RGL1: variants seen among roughly 807,000 people sequenced by gnomAD.
RGL1 encodes ral guanine nucleotide dissociation stimulator like 1, also known as ral guanine nucleotide dissociation stimulator-like 1.
Under a neutral mutation model 95.2 loss-of-function variants are expected in RGL1, and 24 were observed. That is an observed-to-expected ratio of 0.25 (90% CI 0.18 to 0.35). The LOEUF (loss-of-function observed/expected upper bound fraction) is 0.35. RGL1 is among the 10% of genes least tolerant of loss of function. The pLI, the probability that RGL1 is intolerant of heterozygous loss-of-function variation, is 1.00. For missense variants in RGL1, 715 were observed against 936.3 expected, an observed-to-expected ratio of 0.76 and a Z score of 3.08; for synonymous variants, 329 against 344.9, an observed-to-expected ratio of 0.95 and a Z score of 0.51.
rs141297570 is a variant in RGL1, at chr1:183,895,393, C to T, written c.1141-2415C>T. On this transcript the variant is annotated intron_variant, in intron 9 of 17. Coordinates refer to ENST00000360851, the MANE Select transcript of RGL1 (RefSeq NM_001297671.3). ...TAAGCAAGCCATTTGCACTAAGAGA[C>T]GGAGAGGGAAGAGAAGGGCAGAGGG... is the stretch of plus-strand genomic sequence containing the variant. Among the ~76,000 whole-genome samples the T allele has an allele frequency of 3.7e-3, 554 of 151,262 alleles. 2 individuals are homozygous for T. Among genetic ancestry groups the T allele is most frequent in the Middle Eastern group, 6.8e-3 (2 of 292 alleles).
At chr1:183,847,821 T>G (rs1237421979) in intron 3 of RGL1, 47 bp downstream of exon 3, 2 of 1,470,284 alleles carry the variant, frequency 1.4e-6, no homozygotes, top group African/African-American at 1.4e-5. Context: ...GTAGGCTGAT[T>G]ATGGAGTGGA....
At chr1:183,679,763 TG>T (rs1653083368) in intron 1 of RGL1, among the ~76,000 whole-genome samples, 1 of 152,238 alleles carries the variant, frequency 6.6e-6, no homozygotes, top group Admixed American at 6.5e-5. Context: ...ATGGTATTTC[TG>T]GTTCTAGAGC....
chr1:183,828,799 A>C (rs1315497032), intron 2 of RGL1, among the ~76,000 whole-genome samples: 1 of 152,244 alleles, frequency 6.6e-6, no homozygotes, highest in African/African-American at 2.4e-5. Flanking sequence ...GATCTGCTCC[A>C]GTCAGGAACA....
intron 1 of RGL1, among the ~76,000 whole-genome samples, chr1:183,704,259 C>T (rs549423647): frequency 6.6e-6 from 1 of 152,242 alleles, no homozygotes; most frequent in East Asian, 1.9e-4. Flanking sequence ...GATGAGAGAG[C>T]CATGTATGAC....
At chr1:183,732,754 G>A (rs962557611) in intron 1 of RGL1, among the ~76,000 whole-genome samples, 2 of 152,102 alleles carry the variant, frequency 1.3e-5, no homozygotes, top group Non-Finnish European at 2.9e-5. Flanking sequence ...GTTTTGCTAC[G>A]AATATTTGCA....
At chr1:183,652,622 C>T in intron 1 of RGL1, among the ~76,000 whole-genome samples, 1 of 152,136 alleles carries the variant, frequency 6.6e-6, no homozygotes, top group Non-Finnish European at 1.5e-5. Context: ...GGAAATGTAC[C>T]CTGTTTAGGC....
At chr1:183,694,550 G>T (rs1231579697) in intron 1 of RGL1, among the ~76,000 whole-genome samples, 1 of 152,120 alleles carries the variant, frequency 6.6e-6, no homozygotes, top group South Asian at 2.1e-4. Context: ...TCAACATAAA[G>T]CATTTGTCTT....
chr1:183,895,817 T>A (rs1474056929), intron 9 of RGL1, among the ~76,000 whole-genome samples: 1 of 152,186 alleles, frequency 6.6e-6, no homozygotes, highest in East Asian at 1.9e-4. Context: ...TTTTTAGATC[T>A]CTAGCAGGGA....
chr1:183,806,763 A>G (rs1661372730), intron 2 of RGL1, among the ~76,000 whole-genome samples: 1 of 151,526 alleles, frequency 6.6e-6, no homozygotes, highest in Admixed American at 6.6e-5. Context: ...GCAGAAAATG[A>G]CACACAGAAT....
At chr1:183,690,408 C>A (rs1218882791) in intron 1 of RGL1, among the ~76,000 whole-genome samples, 1 of 152,030 alleles carries the variant, frequency 6.6e-6, no homozygotes, top group Admixed American at 6.6e-5. Context: ...TTTATCTTTT[C>A]ATGAAGTCTT....
intron 2 of RGL1, among the ~76,000 whole-genome samples, chr1:183,768,752 A>G (rs1048667746): frequency 1.3e-5 from 2 of 152,160 alleles, no homozygotes; most frequent in African/African-American, 4.8e-5. Context: ...GATTATAGGC[A>G]TGAGCCAGCC....
intron 4 of RGL1, among the ~76,000 whole-genome samples, chr1:183,878,834 T>G (rs930751553): frequency 2.0e-5 from 3 of 152,220 alleles, no homozygotes; most frequent in African/African-American, 7.2e-5. Context: ...GTATATGATA[T>G]GAATTATCAC....
rs113268351 is a variant in RGL1, at chr1:183,689,842, G to A, written c.-32-52284G>A. 4.0e-3 allele frequency among the ~76,000 whole-genome samples: 605 copies of A among 152,290 alleles called. 5 individuals are homozygous for A. Among genetic ancestry groups the A allele is most frequent in the African/African-American group, 0.014 (573 of 41,568 alleles). ...TTATGCAATAAAAAACATTCATTCA[G>A]CTTCTGGCACTGTGCCAGGTGCTGT... is the stretch of plus-strand genomic sequence containing the variant. On this transcript the variant is annotated intron_variant, in intron 1 of 18. Transcript: ENST00000304685.
intron 1 of RGL1, among the ~76,000 whole-genome samples, chr1:183,714,465 T>C (rs950682458): frequency 6.6e-6 from 1 of 152,160 alleles, no homozygotes; most frequent in Non-Finnish European, 1.5e-5. Flanking sequence ...GAAATGAGAC[T>C]CACACACCAG....
intron 7 of RGL1, among the ~76,000 whole-genome samples, chr1:183,887,403 A>G (rs999572526): frequency 2.0e-5 from 3 of 151,896 alleles, no homozygotes; most frequent in African/African-American, 4.8e-5. Context: ...TTCAGGATTA[A>G]CATTTCTTTG....
intron 4 of RGL1, among the ~76,000 whole-genome samples, chr1:183,875,899 A>C (rs1666468619): frequency 6.8e-6 from 1 of 147,308 alleles, no homozygotes; most frequent in African/African-American, 2.5e-5. Flanking sequence ...AAAATCAATG[A>C]GTATAGCAGA....
At chr1:183,761,782 A>G (rs191008177) in intron 2 of RGL1, among the ~76,000 whole-genome samples, 5 of 152,366 alleles carry the variant, frequency 3.3e-5, no homozygotes, top group South Asian at 4.1e-4. Flanking sequence ...TCTGTTGTTT[A>G]GTGTAGACAC....
intron 1 of RGL1, among the ~76,000 whole-genome samples, chr1:183,697,780 T>A (rs1035259252): frequency 3.9e-5 from 6 of 152,194 alleles, no homozygotes; most frequent in African/African-American, 1.2e-4. Flanking sequence ...AACCCTACAT[T>A]GCTAGGTTAA....
intron 3 of RGL1, among the ~76,000 whole-genome samples, chr1:183,861,079 G>A (rs1238449310): frequency 6.6e-6 from 1 of 152,154 alleles, no homozygotes; most frequent in Non-Finnish European, 1.5e-5. Context: ...TTTCTCATCT[G>A]TAGAATAGGA....
Sources: allele counts gnomAD v4.1 joint callset (sites outside exome capture counted in the v4.1 genomes callset), GRCh38; gene constraint gnomAD v4.1.1; transcripts MANE v1.5; gene names NCBI Gene and HGNC (gene_info 2026-07-23, HGNC 2026-07-21).